The following CD47 variants were observed in gnomAD, a reference collection of about 807,000 sequenced individuals.
CD47 encodes the protein leukocyte surface antigen CD47.
Under a neutral mutation model 44.6 loss-of-function variants are expected in CD47, and 11 were observed. The observed-to-expected ratio is 0.25, with a 90% CI of 0.16 to 0.41. CD47 has a LOEUF of 0.41. CD47 is among the 10% of genes least tolerant of loss of function. The probability of loss-of-function intolerance (pLI) is 1.00; values close to 1 mark genes in which losing one functional copy is unlikely to be tolerated. For missense variants in CD47, 306 were observed against 386.7 expected, an observed-to-expected ratio of 0.79 and a Z score of 1.75; for synonymous variants, 140 against 136.3, an observed-to-expected ratio of 1.03 and a Z score of -0.19.
At chr3:108,049,098 CTCTCTCTCTCTCT>C in intron 10 of CD47, among the ~76,000 whole-genome samples, 1 of 998 alleles carries the variant, frequency 1.0e-3, no homozygotes, top group Non-Finnish European at 2.7e-3. Context: ...CGAAACATCT[CTCTCTCTCTCTCT>C]CTCTCTCTCT....
At chr3:108,072,427 T>C (rs2079221008) in intron 2 of CD47, among the ~76,000 whole-genome samples, 1 of 152,246 alleles carries the variant, frequency 6.6e-6, no homozygotes, top group African/African-American at 2.4e-5. Flanking sequence ...ATCCCCAGAA[T>C]ATAACAACAT....
Position 108,044,460 on chromosome 3 carries a change from A to AC in CD47, c.*2827dup, listed in dbSNP as rs1559963776. 14 of 91,550 alleles carry AC rather than the reference A, an allele frequency of 1.5e-4. No individual in the cohort carries two copies. The East Asian group carries it at 2.2e-3, about 15-fold the overall frequency. 5.7% of individuals were successfully genotyped at this position (91,550 alleles called of 1,614,324 possible). On this transcript the variant is annotated 3_prime_UTR_variant, in exon 11 of 11. Coordinates refer to ENST00000361309, the MANE Select transcript of CD47 (RefSeq NM_001777.4). ...AAAAAAAAAAAAACAAAAAAAAAAA[A>AC]CAGAAAGAAAGAAAACTCTCAAGCT...
At chr3:108,085,468 A>G (rs2079502117) in intron 1 of CD47, among the ~76,000 whole-genome samples, 1 of 152,174 alleles carries the variant, frequency 6.6e-6, no homozygotes, top group African/African-American at 2.4e-5. Context: ...CACCTTTCAC[A>G]TATACAGCAA....
At chr3:108,049,721 A>C in intron 9 of CD47, 70 bp from the exon 10 acceptor site, 1 of 1,077,090 alleles carries the variant, frequency 9.3e-7, no homozygotes, top group South Asian at 1.3e-5. Flanking sequence ...CTAAATAAAC[A>C]AATATGCAAT....
intron 3 of CD47, among the ~76,000 whole-genome samples, chr3:108,062,635 T>C (rs2079034221): frequency 6.6e-6 from 1 of 151,144 alleles, no homozygotes; most frequent in Non-Finnish European, 1.5e-5. Context: ...ATTTTTCTTT[T>C]TCTTTTCTTT....
chr3:108,061,104 C>G (rs1371554330), intron 3 of CD47, among the ~76,000 whole-genome samples: 1 of 151,298 alleles, frequency 6.6e-6, no homozygotes, highest in East Asian at 1.9e-4. Context: ...AGGTTCTATA[C>G]ATCAGTCTTT....
chr3:108,051,105 A>G (rs1439088802), intron 8 of CD47, among the ~76,000 whole-genome samples: 1 of 152,222 alleles, frequency 6.6e-6, no homozygotes, highest in African/African-American at 2.4e-5. Flanking sequence ...GTAGACACAC[A>G]TACCCGCCCC....
chr3:108,058,156 T>C lies in CD47; in HGVS notation c.784+181A>G, dbSNP rs187168190. ...TTGCCCAAATGGAATTGAAAACTTATGTCCACATAAAAATATCCATGTGAA... is the reference window on the plus strand; with the variant it reads ...TTGCCCAAATGGAATTGAAAACTTACGTCCACATAAAAATATCCATGTGAA... On this transcript the variant is annotated intron_variant, in intron 6 of 10. Coordinates refer to ENST00000361309, the MANE Select transcript of CD47 (RefSeq NM_001777.4). 0.011 allele frequency among the ~76,000 whole-genome samples: 1,608 copies of C among 152,222 alleles called. 28 individuals carry two copies. Among genetic ancestry groups the C allele is most frequent in the Non-Finnish European group, 0.012 (838 of 68,016 alleles).
intron 3 of CD47, among the ~76,000 whole-genome samples, chr3:108,063,089 T>C (rs144893085): frequency 2.7e-4 from 41 of 152,306 alleles, no homozygotes; most frequent in Admixed American, 9.1e-4. Flanking sequence ...AATACTACCA[T>C]AGACAGGGTT....
In CD47 at chr3:108,044,844, A is replaced by G. The variant is rs1341949105; in HGVS notation, c.*2444T>C. ...AATGGTGTCACTGTGAGAACACACAATAAATAAAACTGAATGGAAGAGTCA... is the reference window on the plus strand; with the variant it reads ...AATGGTGTCACTGTGAGAACACACAGTAAATAAAACTGAATGGAAGAGTCA... On this transcript the variant is annotated 3_prime_UTR_variant, in exon 11 of 11. Transcript: ENST00000361309. 6.6e-6 allele frequency: 1 copy of G among 152,640 alleles called. No homozygotes were observed. Among genetic ancestry groups the G allele is most frequent in the Non-Finnish European group, 1.5e-5 (1 of 68,052 alleles). 9.5% of individuals were successfully genotyped at this position (152,640 alleles called of 1,614,324 possible).
At chr3:108,067,771 C>T (rs1481597047) in intron 3 of CD47, among the ~76,000 whole-genome samples, 1 of 152,128 alleles carries the variant, frequency 6.6e-6, no homozygotes, top group South Asian at 2.1e-4. Context: ...ATCTTTGAAA[C>T]GTGGTCCAGG....
chr3:108,050,694 G>T, intron 8 of CD47, 92 bp from the exon 9 acceptor site: 1 of 527,370 alleles, frequency 1.9e-6, no homozygotes, highest in Non-Finnish European at 3.4e-6. Context: ...TTTAAATTAC[G>T]TAGTAAGCAG....
intron 3 of CD47, 91 bp downstream of exon 3, chr3:108,071,002 T>C (rs1010997394): frequency 7.1e-5 from 43 of 602,668 alleles, no homozygotes; most frequent in Non-Finnish European, 1.2e-4. Flanking sequence ...GCACTTTTCC[T>C]AGTACAACTT....
chr3:108,088,098 G>C (rs1479970019), intron 1 of CD47, among the ~76,000 whole-genome samples: 1 of 152,184 alleles, frequency 6.6e-6, no homozygotes, highest in African/African-American at 2.4e-5. Flanking sequence ...TGTTTATCTT[G>C]TATAAAAAGG....
At chr3:108,057,425 G>A in intron 7 of CD47, 52 bp downstream of exon 7, 1 of 842,958 alleles carries the variant, frequency 1.2e-6, no homozygotes, top group East Asian at 2.5e-5. Context: ...CATTTTCTAA[G>A]TGATATATCT....
chr3:108,046,116 T>C lies in CD47; in HGVS notation c.*1172A>G, dbSNP rs2078718954. Reference sequence around the variant, plus strand: ...AACATTAATTTTCTTCTAACCAGGATAGGAAATGTGGGTTTTGTTTACTTT... The same window carrying C: ...AACATTAATTTTCTTCTAACCAGGACAGGAAATGTGGGTTTTGTTTACTTT... On this transcript the variant is annotated 3_prime_UTR_variant, in exon 11 of 11. Transcript: ENST00000361309. 2 of 152,486 alleles carry C rather than the reference T, an allele frequency of 1.3e-5. No homozygotes were observed. Among genetic ancestry groups the C allele is most frequent in the African/African-American group, 2.4e-5 (1 of 41,428 alleles). 9.4% of individuals were successfully genotyped at this position (152,486 alleles called of 1,614,324 possible). A position where few individuals can be genotyped will look rare whatever the true frequency, so the allele number is the denominator to read the frequency against.
intron 3 of CD47, among the ~76,000 whole-genome samples, chr3:108,063,949 G>A (rs2079062230): frequency 6.6e-6 from 1 of 152,132 alleles, no homozygotes; most frequent in African/African-American, 2.4e-5. Flanking sequence ...TAACATTTTT[G>A]TGAACAAATT....
chr3:108,083,940 C>T (rs1288240958), intron 1 of CD47, among the ~76,000 whole-genome samples: 11 of 150,972 alleles, frequency 7.3e-5, no homozygotes, highest in Admixed American at 7.3e-4. Context: ...ATCCCATCAC[C>T]TGAAAGCTAG....
intron 1 of CD47, among the ~76,000 whole-genome samples, chr3:108,081,437 A>G (rs1430815349): frequency 1.3e-5 from 2 of 151,996 alleles, no homozygotes; most frequent in Non-Finnish European, 2.9e-5. Context: ...CACACTTAAG[A>G]TTTACTTCTA....
Sources: allele counts gnomAD v4.1 joint callset (sites outside exome capture counted in the v4.1 genomes callset), GRCh38; gene constraint gnomAD v4.1.1; transcripts MANE v1.5; gene names NCBI Gene and HGNC (gene_info 2026-07-23, HGNC 2026-07-21).